Variants in RGS3 observed in about 807,000 individuals in gnomAD.
RGS3 encodes regulator of G-protein signalling 3.
Under a neutral mutation model 132.6 loss-of-function variants are expected in RGS3, and 80 were observed. That is an observed-to-expected ratio of 0.60 (90% CI 0.50 to 0.73). The LOEUF (loss-of-function observed/expected upper bound fraction) is 0.73. RGS3 is among the 30% of genes least tolerant of loss of function. The pLI is 0.00. For synonymous variants in RGS3, 598 were observed against 620.6 expected (o/e 0.96, Z 0.54); for missense variants, 1,382 against 1,530.8 (o/e 0.90, Z 1.62).
chr9:113,488,437 G>A (rs1370047463), intron 7 of RGS3, among the ~76,000 whole-genome samples: 5 of 152,160 alleles, frequency 3.3e-5, no homozygotes, highest in African/African-American at 7.2e-5. Flanking sequence ...GAAGGTCATC[G>A]AATGCTAAGG....
At chr9:113,583,765 G>A (rs868745584) in exon 20 of RGS3, 4 of 1,614,088 alleles carry the variant, frequency 2.5e-6, no homozygotes, top group Non-Finnish European at 3.4e-6. Flanking sequence ...CCTACCTGCT[G>A]GTCAAGAACC....
At chr9:113,532,244 G>A (rs1234778510) in intron 18 of RGS3, among the ~76,000 whole-genome samples, 1 of 152,192 alleles carries the variant, frequency 6.6e-6, no homozygotes, top group Non-Finnish European at 1.5e-5. Flanking sequence ...TCACACCCTG[G>A]ATTAAAAGAG....
chr9:113,493,433 A>T (rs1830585950), intron 7 of RGS3, among the ~76,000 whole-genome samples: 1 of 152,204 alleles, frequency 6.6e-6, no homozygotes, highest in Non-Finnish European at 1.5e-5. Context: ...GCAGCTGTTG[A>T]GAGACAGCCA....
intron 4 of RGS3, among the ~76,000 whole-genome samples, chr9:113,481,291 C>A (rs1481847817): frequency 6.6e-6 from 1 of 152,200 alleles, no homozygotes; most frequent in Non-Finnish European, 1.5e-5. Context: ...GCCTCTCTGC[C>A]AGACTGAGAA....
intron 19 of RGS3, chr9:113,570,151 G>A (rs940288930): frequency 6.6e-6 from 1 of 152,136 alleles, no homozygotes; most frequent in Non-Finnish European, 1.5e-5. Context: ...TAGCCTCCTC[G>A]AGTTAAATGA....
At chr9:113,583,721 C>A in exon 20 of RGS3, 1 of 1,614,068 alleles carries the variant, frequency 6.2e-7, no homozygotes, top group South Asian at 1.1e-5. Context: ...TGCCAGGAAC[C>A]CCCTCCAGCC....
intron 4 of RGS3, among the ~76,000 whole-genome samples, chr9:113,479,778 C>T (rs964290498): frequency 6.6e-6 from 1 of 152,208 alleles, no homozygotes; most frequent in Non-Finnish European, 1.5e-5. Flanking sequence ...CATTGACAGG[C>T]TACAGCTGCC....
chr9:113,504,743 T>G (rs1461765871), intron 10 of RGS3, among the ~76,000 whole-genome samples: 2 of 152,208 alleles, frequency 1.3e-5, no homozygotes, highest in Non-Finnish European at 2.9e-5. Flanking sequence ...CATGGACTTC[T>G]GAAAGTAGGA....
intron 19 of RGS3, chr9:113,541,472 C>T (rs1396255740): frequency 6.2e-7 from 1 of 1,602,948 alleles, no homozygotes; most frequent in Non-Finnish European, 8.5e-7. Context: ...TTAACCCTTT[C>T]TTGGGCATCC....
chr9:113,497,880 C>T, intron 9 of RGS3, 145 bp from the exon 8 acceptor site: 1 of 727,164 alleles, frequency 1.4e-6, no homozygotes. Context: ...CTGGATTGAG[C>T]CTCAGGTGTC....
In RGS3 at chr9:113,558,604, G is replaced by C. The variant is rs546189626; in HGVS notation, c.2037+21686G>C. On this transcript the variant is annotated intron_variant, in intron 19 of 24. Transcript: ENST00000350696. Reference sequence around the variant, plus strand: ...TTGGGTGGCAGGATCGAGTCCCACTGTATGTGTAAGTATCATGATAGGGTC... The same window carrying C: ...TTGGGTGGCAGGATCGAGTCCCACTCTATGTGTAAGTATCATGATAGGGTC... Among the ~76,000 whole-genome samples the C allele has an allele frequency of 5.3e-5, 8 of 152,294 alleles. No individual in the cohort carries two copies. The South Asian group carries it at 1.7e-3, about 32-fold the overall frequency.
intron 3 of RGS3, among the ~76,000 whole-genome samples, chr9:113,467,063 A>G (rs117341534): frequency 0.011 from 1,661 of 152,074 alleles, 12 homozygotes; most frequent in Non-Finnish European, 0.018. Context: ...ATTCATTTTT[A>G]TGGCTGAGTA....
intron 19 of RGS3, among the ~76,000 whole-genome samples, chr9:113,570,517 T>G (rs762569886): frequency 3.5e-4 from 53 of 151,754 alleles, no homozygotes; most frequent in Non-Finnish European, 7.5e-4. Context: ...CCAGAAAAAT[T>G]AGAAGAATAC....
chr9:113,572,456 G>A (rs1834332463), intron 19 of RGS3, among the ~76,000 whole-genome samples: 1 of 152,082 alleles, frequency 6.6e-6, no homozygotes, highest in East Asian at 1.9e-4. Flanking sequence ...CCACAGGGTT[G>A]TGGCTTAGTC....
exon 24 of RGS3, chr9:113,595,741 C>T: frequency 6.2e-7 from 1 of 1,614,074 alleles, no homozygotes; most frequent in South Asian, 1.1e-5. Context: ...TTGCTGAATA[C>T]ATCGCGATCC....
chr9:113,473,702 T>C (rs1829906012), intron 3 of RGS3, among the ~76,000 whole-genome samples: 1 of 152,226 alleles, frequency 6.6e-6, no homozygotes, highest in Non-Finnish European at 1.5e-5. Flanking sequence ...GTTTACCTCT[T>C]AATAATCTTC....
intron 19 of RGS3, among the ~76,000 whole-genome samples, chr9:113,574,082 A>G (rs1005049144): frequency 2.0e-5 from 3 of 152,236 alleles, no homozygotes; most frequent in Non-Finnish European, 2.9e-5. Flanking sequence ...AGTATAAAAC[A>G]ACTGTCACAG....
At position 113,559,012 on chromosome 9, in the gene RGS3, G is replaced by C. The variant is rs139441468; in HGVS notation, c.2037+22094G>C. On this transcript the variant is annotated intron_variant, in intron 19 of 24. Transcript: ENST00000350696. Reference sequence around the variant, plus strand: ...GTGGGGGGGATTGGCCTTGCCCCAGGGTTCGCAGAAGGCAGCAGCAAAGTT... The same window carrying C: ...GTGGGGGGGATTGGCCTTGCCCCAGCGTTCGCAGAAGGCAGCAGCAAAGTT... 2.9e-3 allele frequency among the ~76,000 whole-genome samples: 438 copies of C among 152,326 alleles called. 2 individuals are homozygous for C. The Middle Eastern group carries it at 0.031, about 11-fold the overall frequency.
At chr9:113,539,162 T>G (rs1370559818) in intron 19 of RGS3, among the ~76,000 whole-genome samples, 4 of 152,176 alleles carry the variant, frequency 2.6e-5, no homozygotes, top group African/African-American at 9.7e-5. Context: ...CCACTTGCGC[T>G]CAGTTCCGTC....
Sources: allele counts gnomAD v4.1 joint callset (sites outside exome capture counted in the v4.1 genomes callset), GRCh38; gene constraint gnomAD v4.1.1; transcripts MANE v1.5; gene names NCBI Gene and HGNC (gene_info 2026-07-23, HGNC 2026-07-21).